The following ABHD12 variants were observed in gnomAD, a reference collection of about 807,000 sequenced individuals.
ABHD12 encodes the protein abhydrolase domain containing 12, lysophospholipase.
ABHD12 carries 43 observed loss-of-function variants against 58.3 expected under a neutral mutation model. That is an observed-to-expected ratio of 0.74 (90% confidence interval 0.58 to 0.95). The LOEUF (loss-of-function observed/expected upper bound fraction) is 0.95, where lower values mean the gene tolerates loss of function less well. Among genes scored for constraint, ABHD12 ranks in the 40% least tolerant of loss-of-function variants. The probability of loss-of-function intolerance (pLI) is 0.00; values close to 1 mark genes in which losing one functional copy is unlikely to be tolerated. For missense variants in ABHD12, 539 were observed against 537.2 expected (o/e 1.00, Z -0.03); for synonymous variants, 219 against 211.2 (o/e 1.04, Z -0.32).
intron 1 of ABHD12, among the ~76,000 whole-genome samples, chr20:25,387,545 A>T (rs1417279648): frequency 1.4e-5 from 2 of 145,588 alleles, no homozygotes; most frequent in African/African-American, 5.1e-5. Flanking sequence ...GAAGCCAGAA[A>T]TTCAAGACCA....
At position 25,322,304 on chromosome 20, in the gene ABHD12, C is replaced by T. The variant is rs370051472; in HGVS notation, c.422+1021G>A. On this transcript the variant is annotated intron_variant, in intron 3 of 12. Transcript: ENST00000339157. ...ACCATCATCATCAGCTGGTGCGAAG[C>T]TATATGTGAAAAGAAATCAAGCTGT... Among the ~76,000 whole-genome samples, 163 of 144,940 alleles carry T rather than the reference C, an allele frequency of 1.1e-3. 1 individual carries two copies. The highest frequency in any genetic ancestry group is 4.0e-3 in the African/African-American group (156 of 38,840).
intron 2 of ABHD12, 105 bp from the exon 3 acceptor site, chr20:25,323,535 G>C (rs1271114195): frequency 1.3e-6 from 1 of 766,920 alleles, no homozygotes; most frequent in Non-Finnish European, 2.4e-6. Flanking sequence ...GCATCCACAC[G>C]TGCACACACA....
chr20:25,388,382 C>A (rs1036477617), intron 1 of ABHD12, among the ~76,000 whole-genome samples: 2 of 152,176 alleles, frequency 1.3e-5, no homozygotes, highest in Non-Finnish European at 2.9e-5. Context: ...CTCCTGTTCT[C>A]ATGGCGCTTC....
At chr20:25,295,070 AT>A in intron 12 of ABHD12, 1 of 1,599,376 alleles carries the variant, frequency 6.3e-7, no homozygotes, top group South Asian at 1.1e-5. Flanking sequence ...TGAACTCTGC[AT>A]TTCGTGAAGT....
At chr20:25,344,513 G>T (rs937022936) in intron 1 of ABHD12, among the ~76,000 whole-genome samples, 1 of 152,190 alleles carries the variant, frequency 6.6e-6, no homozygotes, top group Non-Finnish European at 1.5e-5. Flanking sequence ...AAACTCTGAT[G>T]AAACGTATAA....
chr20:25,362,800 G>A (rs906801923), intron 1 of ABHD12, among the ~76,000 whole-genome samples: 1 of 151,460 alleles, frequency 6.6e-6, no homozygotes. Context: ...TCAGCCTCCC[G>A]AGTAGATGGG....
At chr20:25,317,224 C>T (rs561008625) in intron 4 of ABHD12, 146 bp from the exon 5 acceptor site, 115 of 687,348 alleles carry the variant, frequency 1.7e-4, no homozygotes, top group South Asian at 1.6e-3. Flanking sequence ...GCCCCACACT[C>T]GCCTCTGGCA....
At chr20:25,332,139 A>C (rs1206147318) in intron 2 of ABHD12, among the ~76,000 whole-genome samples, 5 of 152,012 alleles carry the variant, frequency 3.3e-5, no homozygotes, top group Non-Finnish European at 5.9e-5. Context: ...AAACAAAAAA[A>C]GGCAGGGGTT....
chr20:25,306,730 A>C (rs568766830), intron 10 of ABHD12, 103 bp downstream of exon 10: 32 of 839,268 alleles, frequency 3.8e-5, no homozygotes, highest in Non-Finnish European at 6.0e-5. Context: ...CCCTAAATAC[A>C]CTGAATTCCA....
chr20:25,381,857 C>T (rs554178633), intron 1 of ABHD12, among the ~76,000 whole-genome samples: 1 of 152,240 alleles, frequency 6.6e-6, no homozygotes, highest in East Asian at 1.9e-4. Flanking sequence ...GGTGTTTCAC[C>T]ACGTTGGCCA....
intron 2 of ABHD12, among the ~76,000 whole-genome samples, chr20:25,328,921 G>A (rs528060556): frequency 6.6e-6 from 1 of 152,306 alleles, no homozygotes; most frequent in Admixed American, 6.5e-5. Context: ...CCCAGAGCGG[G>A]GTGGCTGTAG....
intron 1 of ABHD12, among the ~76,000 whole-genome samples, chr20:25,351,910 A>C (rs1206181116): frequency 6.6e-6 from 1 of 152,240 alleles, no homozygotes; most frequent in Non-Finnish European, 1.5e-5. Flanking sequence ...TCAAAACAAA[A>C]AAACAAAACA....
Position 25,390,737 on chromosome 20 carries a change from C to T in ABHD12, c.-34G>A, listed in dbSNP as rs763808885. 2 of 924,568 alleles carry T rather than the reference C, an allele frequency of 2.2e-6. No homozygotes were observed. Among genetic ancestry groups the T allele is most frequent in the East Asian group, 3.5e-5 (1 of 28,420 alleles). 57.3% of individuals were successfully genotyped at this position (924,568 alleles called of 1,614,324 possible). A position where few individuals can be genotyped will look rare whatever the true frequency, so the allele number is the denominator to read the frequency against. On this transcript the variant is annotated 5_prime_UTR_variant, in exon 1 of 13. Coordinates refer to ENST00000339157, the MANE Select transcript of ABHD12 (RefSeq NM_001042472.3). The stretch of plus-strand genomic sequence containing the variant: ...CGACAGGGCCAGCCGCCGACGGCGC[C>T]CGCTGGCCTGCGCCGCAGTGCCGCC...
At chr20:25,354,485 T>G (rs2089642553) in intron 1 of ABHD12, among the ~76,000 whole-genome samples, 1 of 152,218 alleles carries the variant, frequency 6.6e-6, no homozygotes, top group South Asian at 2.1e-4. Context: ...TGCCACTGTT[T>G]GCTATTCATG....
At chr20:25,383,186 A>C (rs934245264) in intron 1 of ABHD12, among the ~76,000 whole-genome samples, 20 of 152,352 alleles carry the variant, frequency 1.3e-4, no homozygotes, top group Admixed American at 1.0e-3. Flanking sequence ...ACACTGAAGA[A>C]GACAGATGTT....
At chr20:25,295,173 T>G in intron 12 of ABHD12, 1 of 875,560 alleles carries the variant, frequency 1.1e-6, no homozygotes, top group Non-Finnish European at 1.9e-6. Context: ...AAGTCAGTAT[T>G]TCCTGTGTAG....
At chr20:25,298,115 C>G (rs1397682712), downstream of ABHD12, 1 of 152,236 alleles carries the variant, frequency 6.6e-6, no homozygotes, top group East Asian at 1.9e-4. Context: ...GGTGCCAGTG[C>G]AGGGATGAGA....
intron 1 of ABHD12, among the ~76,000 whole-genome samples, chr20:25,384,878 A>G (rs1236617745): frequency 6.6e-6 from 1 of 152,196 alleles, no homozygotes; most frequent in East Asian, 1.9e-4. Context: ...TCCCCTTCAG[A>G]AAGAACCTGT....
At chr20:25,330,661 C>T (rs1353614792) in intron 2 of ABHD12, among the ~76,000 whole-genome samples, 1 of 152,214 alleles carries the variant, frequency 6.6e-6, no homozygotes, top group African/African-American at 2.4e-5. Flanking sequence ...TGACCCCTGA[C>T]CCCCGAGCAG....
Sources: gnomAD v4.1 joint callset for allele counts (sites outside exome capture counted in the v4.1 genomes callset) on GRCh38, gnomAD v4.1.1 for gene constraint, MANE v1.5 for transcripts, NCBI Gene and HGNC (gene_info 2026-07-23, HGNC 2026-07-21) for gene names.